Variants in SLC2A9 observed in about 807,000 individuals in gnomAD.
SLC2A9 encodes solute carrier family 2, facilitated glucose transporter member 9.
Under a neutral mutation model 50.6 loss-of-function variants are expected in SLC2A9, and 39 were observed. That is an observed-to-expected ratio of 0.77 (90% CI 0.60 to 1.01). The LOEUF is 1.01. SLC2A9 is among the 50% of genes least tolerant of loss of function. SLC2A9 has a pLI of 0.00. For missense variants in SLC2A9, 686 were observed against 677.6 expected (o/e 1.01, Z -0.14); for synonymous variants, 324 against 276.9 (o/e 1.17, Z -1.69).
chr4:9,856,243 G>A (rs1420379186), intron 10 of SLC2A9, among the ~76,000 whole-genome samples: 2 of 152,100 alleles, frequency 1.3e-5, no homozygotes, highest in Non-Finnish European at 2.9e-5. Context: ...TCCAGAACCT[G>A]TAAGGAACTT....
chr4:9,853,517 C>G (rs13152172), intron 10 of SLC2A9, among the ~76,000 whole-genome samples: 69,893 of 152,052 alleles, frequency 0.46, 19,205 homozygotes, highest in Non-Finnish European at 0.63. Flanking sequence ...TCTTAGAGAC[C>G]TACAAGGAGA....
intron 10 of SLC2A9, among the ~76,000 whole-genome samples, chr4:9,852,191 A>C (rs1345558050): frequency 6.6e-6 from 1 of 152,156 alleles, no homozygotes; most frequent in African/African-American, 2.4e-5. Flanking sequence ...CTAACAGTGG[A>C]TGTTTCAGCA....
At chr4:9,879,801 T>C (rs1166175377) in intron 10 of SLC2A9, 1 of 985,332 alleles carries the variant, frequency 1.0e-6, no homozygotes, top group Non-Finnish European at 1.2e-6. Flanking sequence ...AACGATCTTC[T>C]TTTTTTAAAA....
At chr4:10,015,811 G>A (rs924034145) in intron 2 of SLC2A9, among the ~76,000 whole-genome samples, 1 of 152,242 alleles carries the variant, frequency 6.6e-6, no homozygotes, top group African/African-American at 2.4e-5. Flanking sequence ...ACCCCAGGCT[G>A]TGCTGTTTTG....
At chr4:10,021,526 C>A (rs963113627), upstream of SLC2A9, 4 of 1,574,304 alleles carry the variant, frequency 2.5e-6, no homozygotes, top group East Asian at 2.3e-5. Context: ...GGAAGGAGGG[C>A]GGGAGTTCCT....
chr4:9,794,149 C>CTTTTT (rs1376089385), downstream of SLC2A9, among the ~76,000 whole-genome samples: 1 of 146,492 alleles, frequency 6.8e-6, no homozygotes, highest in Admixed American at 6.8e-5. Context: ...TCATTAATTC[C>CTTTTT]TTTTTTTTGT....
At chr4:10,013,932 C>T (rs776736241) in intron 2 of SLC2A9, among the ~76,000 whole-genome samples, 2 of 147,170 alleles carry the variant, frequency 1.4e-5, no homozygotes, top group South Asian at 2.1e-4. Flanking sequence ...CCACACACCA[C>T]CCCCTGGTGG....
intron 3 of SLC2A9, chr4:9,995,852 G>A (rs1758558130): frequency 6.6e-6 from 1 of 152,202 alleles, no homozygotes; most frequent in South Asian, 2.1e-4. Context: ...GCTAGTAAGT[G>A]GAAGACACAT....
intron 3 of SLC2A9, among the ~76,000 whole-genome samples, chr4:9,800,808 T>C (rs1721298932): frequency 6.6e-6 from 1 of 152,212 alleles, no homozygotes; most frequent in Non-Finnish European, 1.5e-5. Context: ...TGGGGTGATA[T>C]GCAAATACTA....
intron 3 of SLC2A9, among the ~76,000 whole-genome samples, chr4:9,803,788 C>T (rs527715669): frequency 6.6e-6 from 1 of 152,260 alleles, no homozygotes; most frequent in African/African-American, 2.4e-5. Flanking sequence ...TAGAACCCAG[C>T]GGATGCAGTA....
At chr4:9,900,748 G>A (rs1370416378) in intron 8 of SLC2A9, among the ~76,000 whole-genome samples, 3 of 152,180 alleles carry the variant, frequency 2.0e-5, no homozygotes, top group African/African-American at 7.2e-5. Flanking sequence ...CAATCATGGT[G>A]GAAGGGGAAG....
intron 7 of SLC2A9, among the ~76,000 whole-genome samples, chr4:9,910,562 T>C (rs1741548618): frequency 2.6e-5 from 4 of 152,204 alleles, no homozygotes. Flanking sequence ...CTGTCACCCA[T>C]GTGAAGGTGT....
At chr4:9,792,935 C>T (rs370202523) in intron 3 of SLC2A9, 198 of 151,282 alleles carry the variant, frequency 1.3e-3, no homozygotes, top group African/African-American at 3.8e-3. Flanking sequence ...AGTGCAATGG[C>T]GCGATCTCGG....
chr4:9,815,392 C>A (rs748597496), intron 3 of SLC2A9, among the ~76,000 whole-genome samples: 1 of 152,230 alleles, frequency 6.6e-6, no homozygotes. Flanking sequence ...TAGGTTTATT[C>A]ATGAGTAAGG....
intron 10 of SLC2A9, among the ~76,000 whole-genome samples, chr4:9,875,303 C>T (rs1734131283): frequency 1.3e-5 from 2 of 150,772 alleles, no homozygotes; most frequent in South Asian, 4.3e-4. Context: ...AGATGGGATG[C>T]TGTGTCTTTA....
chr4:9,799,421 A>C (rs1292800072), intron 3 of SLC2A9, among the ~76,000 whole-genome samples: 1 of 152,042 alleles, frequency 6.6e-6, no homozygotes, highest in Non-Finnish European at 1.5e-5. Context: ...CTATGTCCTC[A>C]TGTGGTGGAA....
At chr4:10,013,519 T>C (rs1762112265) in intron 2 of SLC2A9, among the ~76,000 whole-genome samples, 1 of 152,224 alleles carries the variant, frequency 6.6e-6, no homozygotes, top group Non-Finnish European at 1.5e-5. Flanking sequence ...CTCAGTTTCC[T>C]CGCCTTTAAA....
chr4:9,897,114 G>A (rs1252477516), intron 8 of SLC2A9, among the ~76,000 whole-genome samples: 1 of 152,202 alleles, frequency 6.6e-6, no homozygotes, highest in East Asian at 1.9e-4. Context: ...GTTGCACAGT[G>A]AGTCAGAATT....
At chr4:9,859,031 G>A (rs1398641109) in intron 10 of SLC2A9, among the ~76,000 whole-genome samples, 1 of 152,126 alleles carries the variant, frequency 6.6e-6, no homozygotes, top group African/African-American at 2.4e-5. Flanking sequence ...GGTTTGCCAG[G>A]GACTCTCGGG....
Sources: gnomAD v4.1 joint callset for allele counts (sites outside exome capture counted in the v4.1 genomes callset) on GRCh38, gnomAD v4.1.1 for gene constraint, MANE v1.5 for transcripts, NCBI Gene and HGNC (gene_info 2026-07-23, HGNC 2026-07-21) for gene names.